Variants in SPMIP7 observed in about 807,000 individuals in gnomAD.
The protein encoded by SPMIP7 is protein SPMIP7.
chr7:50,097,776 G>T, the SPMIP7 span, among the ~76,000 whole-genome samples: 1 of 150,604 alleles, frequency 6.6e-6, no homozygotes, highest in Non-Finnish European at 1.5e-5. Flanking sequence ...AAGAATAAAT[G>T]TCAGATTGTA....
chr7:50,133,901 T>C, the SPMIP7 span, among the ~76,000 whole-genome samples: 1 of 152,216 alleles, frequency 6.6e-6, no homozygotes, highest in South Asian at 2.1e-4. Flanking sequence ...TTGGGGCATA[T>C]AAAATCACAT....
At chr7:50,104,226 C>G in the SPMIP7 span, 1 of 537,620 alleles carries the variant, frequency 1.9e-6, no homozygotes, top group Non-Finnish European at 3.3e-6. Context: ...ATCACACAGT[C>G]TAGCTTCTAA....
At chr7:50,135,337 A>G in the SPMIP7 span, among the ~76,000 whole-genome samples, 4 of 152,202 alleles carry the variant, frequency 2.6e-5, no homozygotes, top group African/African-American at 9.7e-5. Context: ...GTTTTTGAGT[A>G]CACAAAATCC....
At chr7:50,136,198 G>T in the SPMIP7 span, 2 of 1,426,596 alleles carry the variant, frequency 1.4e-6, no homozygotes, top group Non-Finnish European at 1.9e-6. Context: ...CTCACACTAG[G>T]TTTCTCACTA....
At chr7:50,107,975 T>A in the SPMIP7 span, among the ~76,000 whole-genome samples, 1 of 152,230 alleles carries the variant, frequency 6.6e-6, no homozygotes, top group Non-Finnish European at 1.5e-5. Context: ...TTATTTGGAA[T>A]CTGGACGTCA....
At chr7:50,116,661 GA>G in the SPMIP7 span, among the ~76,000 whole-genome samples, 1 of 152,146 alleles carries the variant, frequency 6.6e-6, no homozygotes, top group South Asian at 2.1e-4. Context: ...AAAAAGTTTA[GA>G]GCTTCCTAAG....
chr7:50,152,243 A>G, the SPMIP7 span, among the ~76,000 whole-genome samples: 43 of 152,144 alleles, frequency 2.8e-4, 1 homozygote, highest in Admixed American at 2.8e-3. Context: ...GCTATTTGGG[A>G]GGCTGAGGCA....
chr7:50,122,438 C>T, the SPMIP7 span, among the ~76,000 whole-genome samples: 7 of 150,202 alleles, frequency 4.7e-5, no homozygotes, highest in Non-Finnish European at 8.9e-5. Context: ...AAGACTTAAA[C>T]GTTAGACCTA....
the SPMIP7 span, among the ~76,000 whole-genome samples, chr7:50,119,667 T>C: frequency 6.6e-6 from 1 of 152,204 alleles, no homozygotes; most frequent in Non-Finnish European, 1.5e-5. Flanking sequence ...TGCTTTCCTA[T>C]GCTTATTGAA....
chr7:50,147,089 T>C, the SPMIP7 span, among the ~76,000 whole-genome samples: 4 of 152,248 alleles, frequency 2.6e-5, no homozygotes, highest in African/African-American at 9.6e-5. Context: ...TCACTTGGGA[T>C]CTTTAAACAT....
the SPMIP7 span, among the ~76,000 whole-genome samples, chr7:50,112,054 A>T: frequency 6.6e-6 from 1 of 152,138 alleles, no homozygotes; most frequent in Non-Finnish European, 1.5e-5. Flanking sequence ...AGAAATCCAA[A>T]AATTAAATAC....
the SPMIP7 span, among the ~76,000 whole-genome samples, chr7:50,101,453 C>G: frequency 6.6e-6 from 1 of 152,188 alleles, no homozygotes; most frequent in Admixed American, 6.5e-5. Flanking sequence ...AGAACCACCC[C>G]CAACTATCTT....
At chr7:50,140,593 G>A in the SPMIP7 span, among the ~76,000 whole-genome samples, 1,189 of 152,246 alleles carry the variant, frequency 7.8e-3, 24 homozygotes, top group African/African-American at 0.027. Flanking sequence ...TTTAATGCCG[G>A]CTTTCCATGG....
chr7:50,137,121 A>G, the SPMIP7 span, among the ~76,000 whole-genome samples: 4 of 152,116 alleles, frequency 2.6e-5, no homozygotes, highest in African/African-American at 9.7e-5. Flanking sequence ...TTGTCTATAA[A>G]CCCAGTATTA....
chr7:50,110,559 AT>A, the SPMIP7 span, among the ~76,000 whole-genome samples: 18 of 143,698 alleles, frequency 1.3e-4, no homozygotes, highest in East Asian at 2.4e-3. Context: ...ATATGCTTAT[AT>A]TTATATATAA....
the SPMIP7 span, chr7:50,134,384 A>T: frequency 3.6e-6 from 2 of 556,542 alleles, no homozygotes; most frequent in Non-Finnish European, 5.8e-6. Flanking sequence ...GTAAATATAT[A>T]TACACACACA....
At chr7:50,129,795 T>C in the SPMIP7 span, 577 of 1,538,410 alleles carry the variant, frequency 3.8e-4, 3 homozygotes, top group Admixed American at 9.0e-4. Flanking sequence ...TACACAAAAG[T>C]AAGCAGTTTT....
the SPMIP7 span, among the ~76,000 whole-genome samples, chr7:50,128,397 A>G: frequency 2.8e-3 from 419 of 152,058 alleles, 1 homozygote; most frequent in African/African-American, 9.4e-3. Flanking sequence ...CATGTTTGAT[A>G]TATCAGTGGG....
At chr7:50,133,997 C>T in the SPMIP7 span, 4 of 921,576 alleles carry the variant, frequency 4.3e-6, no homozygotes, top group Non-Finnish European at 6.4e-6. Flanking sequence ...CACCAAGGGG[C>T]AGGGATCCTC....
Sources: gnomAD v4.1 joint callset for allele counts (sites outside exome capture counted in the v4.1 genomes callset) on GRCh38, gnomAD v4.1.1 for gene constraint, MANE v1.5 for transcripts, NCBI Gene and HGNC (gene_info 2026-07-23, HGNC 2026-07-21) for gene names.